The following ACER1 variants were observed in gnomAD, a reference collection of about 807,000 sequenced individuals.
The protein encoded by ACER1 is CTB-180A7.3.
In ACER1, 28 loss-of-function variants were observed where a neutral mutation model predicts 24.9. The observed-to-expected ratio is 1.13, with a 90% CI of 0.83 to 1.54. The LOEUF (loss-of-function observed/expected upper bound fraction) is 1.54. Among genes scored for constraint, ACER1 ranks in the 40% most tolerant of loss-of-function variants. The pLI is 0.00. For synonymous variants in ACER1, 132 were observed against 131.4 expected (o/e 1.00, Z -0.03); for missense variants, 352 against 349.3 (o/e 1.01, Z -0.06).
the ACER1 span, among the ~76,000 whole-genome samples, chr19:6,345,277 TG>T: frequency 6.6e-6 from 1 of 152,308 alleles, no homozygotes; most frequent in South Asian, 2.1e-4. Context: ...AAGTTGTCTA[TG>T]GCTACTTTTA....
chr19:6,325,576 C>A (rs541335941), intron 1 of ACER1, among the ~76,000 whole-genome samples: 1 of 152,220 alleles, frequency 6.6e-6, no homozygotes. Context: ...TCACTTGAAC[C>A]TGGGAGGCAG....
chr19:6,322,191 G>C (rs944706737), intron 1 of ACER1, among the ~76,000 whole-genome samples: 1 of 152,036 alleles, frequency 6.6e-6, no homozygotes, highest in Non-Finnish European at 1.5e-5. Context: ...CCTTCCCTGG[G>C]TCAACAAGAT....
chr19:6,339,060 A>C, the ACER1 span, among the ~76,000 whole-genome samples: 1 of 151,660 alleles, frequency 6.6e-6, no homozygotes, highest in Non-Finnish European at 1.5e-5. Flanking sequence ...CATTTTTAGT[A>C]GAGATGGGGT....
chr19:6,347,433 T>C, the ACER1 span, among the ~76,000 whole-genome samples: 1 of 152,040 alleles, frequency 6.6e-6, no homozygotes, highest in African/African-American at 2.4e-5. Context: ...TTACCCAAGC[T>C]GGCCTTGAAC....
At chr19:6,334,086 C>T (rs1230833486), upstream of ACER1, among the ~76,000 whole-genome samples, 1 of 151,634 alleles carries the variant, frequency 6.6e-6, no homozygotes, top group Non-Finnish European at 1.5e-5. Flanking sequence ...GCTCTGTTGC[C>T]CAGGCTGGAG....
intron 1 of ACER1, among the ~76,000 whole-genome samples, chr19:6,328,813 C>T (rs1238202080): frequency 6.6e-6 from 1 of 151,440 alleles, no homozygotes; most frequent in African/African-American, 2.4e-5. Context: ...ACTACGGATG[C>T]ATGCCACCAT....
chr19:6,311,932 G>C (rs1449304417), intron 3 of ACER1, among the ~76,000 whole-genome samples: 2 of 152,114 alleles, frequency 1.3e-5, no homozygotes, highest in African/African-American at 4.8e-5. Context: ...AGGATCAAGG[G>C]AGGGATTCCA....
At chr19:6,308,255 C>G (rs893986362) in intron 4 of ACER1, among the ~76,000 whole-genome samples, 1 of 151,670 alleles carries the variant, frequency 6.6e-6, no homozygotes, top group African/African-American at 2.4e-5. Context: ...GCCAACATGG[C>G]GAAACTCTGT....
the ACER1 span, among the ~76,000 whole-genome samples, chr19:6,344,831 A>T: frequency 6.6e-6 from 1 of 150,580 alleles, no homozygotes. Context: ...ACAACAATCA[A>T]TTTATTTTAT....
At chr19:6,307,858 A>T (rs2091559535) in intron 4 of ACER1, among the ~76,000 whole-genome samples, 1 of 151,778 alleles carries the variant, frequency 6.6e-6, no homozygotes. Context: ...AGGCTGAGGC[A>T]GGTGAATCAC....
chr19:6,306,614 G>A lies in ACER1; in HGVS notation c.*100C>T. Reference sequence around the variant, plus strand: ...GACACGGAAGGGGAAACAGAGGAAGGAACCACGAGTGTCCCGCAGGTGCAA... The same window carrying A: ...GACACGGAAGGGGAAACAGAGGAAGAAACCACGAGTGTCCCGCAGGTGCAA... On this transcript the variant is annotated 3_prime_UTR_variant, in exon 6 of 6. Coordinates refer to ENST00000301452, the MANE Select transcript of ACER1 (RefSeq NM_133492.3). The A allele has an allele frequency of 7.1e-7, 1 of 1,400,222 alleles. No homozygotes were observed. Among genetic ancestry groups the A allele is most frequent in the East Asian group, 2.4e-5 (1 of 41,986 alleles). The allele number at this position is 1,400,222 out of a possible 1,614,324, so 86.7% of individuals were successfully genotyped here. A position where few individuals can be genotyped will look rare whatever the true frequency, so the allele number is the denominator to read the frequency against.
At chr19:6,322,692 C>G (rs1230243046) in intron 1 of ACER1, among the ~76,000 whole-genome samples, 1 of 152,098 alleles carries the variant, frequency 6.6e-6, no homozygotes, top group African/African-American at 2.4e-5. Flanking sequence ...TGGCTGTGTC[C>G]CCACCCAAAT....
intron 1 of ACER1, among the ~76,000 whole-genome samples, chr19:6,326,508 T>G (rs780598229): frequency 5.9e-5 from 9 of 151,828 alleles, no homozygotes; most frequent in Non-Finnish European, 1.2e-4. Flanking sequence ...CAAGTGATCC[T>G]CCTGCCTCGG....
rs745956131 is a variant in ACER1, at chr19:6,312,198, T to C, written c.301A>G (p.Ser101Gly). ...AILWLLGSGY[S>G]IWMPRCYFPS... ...AAATAGCAGCGGGGCATCCATATGC[T>C]ATAGCCACTGCCCAGGAGCCACAGG... is the stretch of plus-strand genomic sequence containing the variant. The change falls in exon 3 of 6, where the codon AGC becomes GGC. Residue 101 changes from serine (S) to glycine (G), a missense_variant. Coordinates refer to ENST00000301452, the MANE Select transcript of ACER1 (RefSeq NM_133492.3). 1.9e-6 allele frequency: 3 copies of C among 1,613,852 alleles called. No individual in the cohort carries two copies. Among genetic ancestry groups the C allele is most frequent in the Non-Finnish European group, 2.5e-6 (3 of 1,179,906 alleles).
chr19:6,324,592 T>C (rs549864968), intron 1 of ACER1, among the ~76,000 whole-genome samples: 1 of 142,726 alleles, frequency 7.0e-6, no homozygotes, highest in Admixed American at 7.2e-5. Context: ...ACCCCATCTC[T>C]ACTAAAAAAA....
At chr19:6,316,620 A>G (rs2091604383) in intron 1 of ACER1, among the ~76,000 whole-genome samples, 1 of 151,998 alleles carries the variant, frequency 6.6e-6, no homozygotes, top group African/African-American at 2.4e-5. Context: ...AGAGTTCGAG[A>G]CCAGCCTGGC....
the ACER1 span, among the ~76,000 whole-genome samples, chr19:6,341,861 C>T: frequency 1.3e-5 from 2 of 152,118 alleles, no homozygotes; most frequent in African/African-American, 4.8e-5. Flanking sequence ...GAACTCCTGA[C>T]CTCATAATCT....
chr19:6,353,972 A>T, the ACER1 span, among the ~76,000 whole-genome samples: 1 of 151,932 alleles, frequency 6.6e-6, no homozygotes, highest in Non-Finnish European at 1.5e-5. Context: ...ACCTGAGGTC[A>T]GGAGTTTGAG....
the ACER1 span, among the ~76,000 whole-genome samples, chr19:6,342,846 C>T: frequency 1.3e-5 from 2 of 151,984 alleles, no homozygotes; most frequent in Admixed American, 1.3e-4. Context: ...GGCATGATCT[C>T]GGCTCACTGC....
Sources: gnomAD v4.1 joint callset for allele counts (sites outside exome capture counted in the v4.1 genomes callset) on GRCh38, gnomAD v4.1.1 for gene constraint, MANE v1.5 for transcripts, NCBI Gene and HGNC (gene_info 2026-07-23, HGNC 2026-07-21) for gene names.